Variants in TMEFF1 observed in about 807,000 individuals in gnomAD.
The protein encoded by TMEFF1 is transmembrane protein with EGF like and two follistatin like domains 1.
Under a neutral mutation model 47.5 loss-of-function variants are expected in TMEFF1, and 20 were observed. The ratio of observed to expected loss-of-function variants is 0.42; its 90% CI spans 0.30 to 0.61. The LOEUF (loss-of-function observed/expected upper bound fraction) is 0.61. TMEFF1 is among the 20% of genes least tolerant of loss of function. TMEFF1 has a pLI of 0.19. For synonymous variants in TMEFF1, 162 were observed against 166.3 expected (o/e 0.97, Z 0.20); for missense variants, 411 against 471.1 (o/e 0.87, Z 1.18).
At chr9:100,520,807 A>G (rs1023884358) in intron 5 of TMEFF1, among the ~76,000 whole-genome samples, 1 of 152,234 alleles carries the variant, frequency 6.6e-6, no homozygotes, top group Admixed American at 6.5e-5. Context: ...TGAATGGAGA[A>G]CCAGAACATA....
intron 4 of TMEFF1, among the ~76,000 whole-genome samples, chr9:100,515,979 C>G (rs1485521875): frequency 6.6e-6 from 1 of 152,060 alleles, no homozygotes; most frequent in Non-Finnish European, 1.5e-5. Context: ...GTGTAAGGCC[C>G]TTTCAGTGTG....
Position 100,572,656 on chromosome 9 carries a change from A to G in TMEFF1, c.1038A>G (p.Ala346=). 7 of 1,610,056 alleles carry G rather than the reference A, an allele frequency of 4.3e-6. No homozygotes were observed. Among genetic ancestry groups the G allele is most frequent in the Non-Finnish European group, 5.9e-6 (7 of 1,178,834 alleles). Residue 346 remains alanine (A), a synonymous_variant, in exon 9 of 10, where the codon GCA becomes GCG. Transcript: ENST00000374879. ...CTGTACAGATTGCCATCATAGTAGC[A>G]ATTGTAATGTGCATAACAAGGTAGG... ...IGAVQIAIIV[A]IVMCITRKCP...
At chr9:100,493,125 G>A (rs1026546158) in intron 1 of TMEFF1, among the ~76,000 whole-genome samples, 1 of 151,676 alleles carries the variant, frequency 6.6e-6, no homozygotes, top group South Asian at 2.1e-4. Context: ...GACAATTTTG[G>A]TTGTCAGAGC....
At chr9:100,545,026 A>G (rs960567182) in intron 5 of TMEFF1, among the ~76,000 whole-genome samples, 2 of 152,268 alleles carry the variant, frequency 1.3e-5, no homozygotes, top group African/African-American at 4.8e-5. Context: ...TACAGCCTCC[A>G]TCTTGGCTGC....
At chr9:100,488,600 G>A (rs1258218541) in intron 1 of TMEFF1, among the ~76,000 whole-genome samples, 3 of 152,124 alleles carry the variant, frequency 2.0e-5, no homozygotes, top group Non-Finnish European at 4.4e-5. Context: ...ACTTAATAGA[G>A]TACTTATTAT....
intron 5 of TMEFF1, among the ~76,000 whole-genome samples, chr9:100,536,070 A>G (rs902268955): frequency 5.3e-5 from 8 of 152,224 alleles, no homozygotes; most frequent in African/African-American, 7.2e-5. Flanking sequence ...TTAAAAAACA[A>G]TATCTTCTGT....
chr9:100,536,767 C>T (rs1838520297), intron 5 of TMEFF1, among the ~76,000 whole-genome samples: 1 of 152,172 alleles, frequency 6.6e-6, no homozygotes, highest in Admixed American at 6.5e-5. Context: ...GCAAGATAAT[C>T]ATCAATCTGG....
chr9:100,565,457 C>T (rs932979570), intron 8 of TMEFF1, among the ~76,000 whole-genome samples: 1 of 152,136 alleles, frequency 6.6e-6, no homozygotes, highest in Non-Finnish European at 1.5e-5. Context: ...TTGATCATGG[C>T]TGTCGGTGAA....
intron 2 of TMEFF1, among the ~76,000 whole-genome samples, chr9:100,502,635 T>TA (rs1291553250): frequency 1.3e-5 from 2 of 152,232 alleles, no homozygotes; most frequent in Non-Finnish European, 2.9e-5. Flanking sequence ...GTGCTGGGAT[T>TA]ACGGGTATGA....
chr9:100,521,895 A>C (rs1220648161), intron 5 of TMEFF1, among the ~76,000 whole-genome samples: 4 of 152,218 alleles, frequency 2.6e-5, no homozygotes, highest in Non-Finnish European at 5.9e-5. Context: ...GAGTGATATA[A>C]ATATCTCAGA....
intron 5 of TMEFF1, among the ~76,000 whole-genome samples, chr9:100,532,118 G>A (rs1345553862): frequency 2.0e-5 from 3 of 151,852 alleles, no homozygotes; most frequent in Non-Finnish European, 4.4e-5. Context: ...TTAAACGTTA[G>A]ACCTAAAACC....
chr9:100,526,929 G>T (rs1838265196), intron 5 of TMEFF1, among the ~76,000 whole-genome samples: 2 of 122,822 alleles, frequency 1.6e-5, no homozygotes, highest in South Asian at 5.2e-4. Context: ...GGGCAACATG[G>T]TGAAACCCTG....
rs535137448 is a variant in TMEFF1 at position 100,566,320 on chromosome 9, C to T, written c.899+4800C>T. On this transcript the variant is annotated intron_variant, in intron 8 of 9. Transcript: ENST00000374879. ...AGACTTCTCTACTGAATTTGAAACT[C>T]GTAGATCCATATGCCTCCTTTACAT... Among the ~76,000 whole-genome samples the T allele has an allele frequency of 4.6e-5, 7 of 152,320 alleles. No homozygotes were observed. The East Asian group carries it at 1.4e-3, about 29-fold the overall frequency.
intron 8 of TMEFF1, among the ~76,000 whole-genome samples, chr9:100,563,570 C>G (rs1839063371): frequency 6.6e-6 from 1 of 152,204 alleles, no homozygotes; most frequent in Non-Finnish European, 1.5e-5. Context: ...TCATTTTCAT[C>G]TTTCTGAAAG....
At chr9:100,509,511 C>T (rs1178135975) in intron 3 of TMEFF1, among the ~76,000 whole-genome samples, 4 of 152,086 alleles carry the variant, frequency 2.6e-5, no homozygotes, top group East Asian at 1.9e-4. Context: ...CGGTGGCTCA[C>T]GCCTGTAATC....
At chr9:100,532,928 G>A (rs1017488192) in intron 5 of TMEFF1, among the ~76,000 whole-genome samples, 2 of 152,040 alleles carry the variant, frequency 1.3e-5, no homozygotes, top group Admixed American at 1.3e-4. Flanking sequence ...ATGAGTTCAT[G>A]TCCTTTGTAG....
At chr9:100,555,174 C>G (rs1161765063) in intron 7 of TMEFF1, among the ~76,000 whole-genome samples, 4 of 151,766 alleles carry the variant, frequency 2.6e-5, no homozygotes, top group Admixed American at 2.0e-4. Context: ...CACACACACA[C>G]ACACACACAC....
chr9:100,487,122 C>T lies in TMEFF1; in HGVS notation c.197-11643C>T, dbSNP rs548112237. Among the ~76,000 whole-genome samples the T allele has an allele frequency of 4.6e-5, 7 of 151,070 alleles. 1 individual carries two copies. The South Asian group carries it at 1.5e-3, about 32-fold the overall frequency. ...GTATTCATTTTCTATAGCTTTTTTTCTTCTTTCTCTTTATTTTATTTTTTA... is the reference window on the plus strand; with the variant it reads ...GTATTCATTTTCTATAGCTTTTTTTTTTCTTTCTCTTTATTTTATTTTTTA... On this transcript the variant is annotated intron_variant, in intron 1 of 9. Coordinates refer to ENST00000374879, the MANE Select transcript of TMEFF1 (RefSeq NM_003692.5).
chr9:100,529,352 A>C (rs1278364462), intron 5 of TMEFF1, among the ~76,000 whole-genome samples: 2 of 151,286 alleles, frequency 1.3e-5, no homozygotes, highest in Non-Finnish European at 2.9e-5. Context: ...AACCCATCTC[A>C]TGTGCAGAGA....
Sources: allele counts gnomAD v4.1 joint callset (sites outside exome capture counted in the v4.1 genomes callset), GRCh38; gene constraint gnomAD v4.1.1; transcripts MANE v1.5; gene names NCBI Gene and HGNC (gene_info 2026-07-23, HGNC 2026-07-21).